The following SFI1 variants were observed in gnomAD, a reference collection of about 807,000 sequenced individuals.
SFI1 encodes the protein SFI1 centrin binding protein.
Under a neutral mutation model 207.5 loss-of-function variants are expected in SFI1, and 195 were observed. That is an observed-to-expected ratio of 0.94 (90% CI 0.84 to 1.06). SFI1 has a LOEUF of 1.06. SFI1 is among the 50% of genes least tolerant of loss of function. SFI1 has a pLI of 0.00. For missense variants in SFI1, 1,634 were observed against 1,588.0 expected (o/e 1.03, Z -0.49); for synonymous variants, 630 against 598.9 (o/e 1.05, Z -0.76).
At position 31,575,272 on chromosome 22, in the gene SFI1, T is replaced by C. The variant is rs5753700; in HGVS notation, c.964T>C (p.Tyr322His). 0.95 allele frequency: 1,535,237 copies of C among 1,612,312 alleles called. 731,135 individuals carry two copies. The highest frequency in any genetic ancestry group is 0.99 in the East Asian group (44,260 of 44,782). Residue 322 changes from tyrosine to histidine, a missense_variant, in exon 10 of 33, where the codon TAC becomes CAC. Tyr to His is a moderately conservative substitution (Grantham distance 83). Coordinates refer to ENST00000400288, the MANE Select transcript of SFI1 (RefSeq NM_001007467.3). ...RFHHVTVLQI[Y>H]FCDWQQAWER... Reference sequence around the variant, plus strand: ...CCATCATGTCACTGTGCTCCAGATATACTTCTGTGACTGGCAGCAGGCCTG... The same window carrying C: ...CCATCATGTCACTGTGCTCCAGATACACTTCTGTGACTGGCAGCAGGCCTG...
At chr22:31,555,767 C>A (rs1015744155) in intron 6 of SFI1, among the ~76,000 whole-genome samples, 11 of 152,152 alleles carry the variant, frequency 7.2e-5, no homozygotes, top group African/African-American at 2.4e-4. Context: ...AAACTCTAAA[C>A]CACAGCACTA....
At chr22:31,532,412 G>C (rs1476976866) in intron 4 of SFI1, among the ~76,000 whole-genome samples, 1 of 152,178 alleles carries the variant, frequency 6.6e-6, no homozygotes, top group African/African-American at 2.4e-5. Flanking sequence ...CATACAGAAG[G>C]CAGGGGAGCT....
intron 3 of SFI1, chr22:31,530,678 A>G (rs1026561661): frequency 5.2e-5 from 24 of 465,756 alleles, no homozygotes; most frequent in African/African-American, 2.8e-4. Context: ...GGGTTTGAAC[A>G]GAGTGCTGAG....
chr22:31,610,450 G>A (rs568755350), intron 22 of SFI1, among the ~76,000 whole-genome samples: 2 of 152,308 alleles, frequency 1.3e-5, no homozygotes, highest in Admixed American at 6.5e-5. Context: ...GTGATCTGCC[G>A]CCTTCCCTGC....
intron 7 of SFI1, among the ~76,000 whole-genome samples, chr22:31,558,381 T>A (rs1233063461): frequency 1.3e-5 from 2 of 152,090 alleles, no homozygotes; most frequent in African/African-American, 2.4e-5. Flanking sequence ...AAAATTTTTT[T>A]AAATAATTAA....
At chr22:31,556,679 A>G (rs1226692897) in intron 6 of SFI1, among the ~76,000 whole-genome samples, 1 of 152,202 alleles carries the variant, frequency 6.6e-6, no homozygotes, top group Non-Finnish European at 1.5e-5. Flanking sequence ...TATAGAAATA[A>G]GCGCTTTTAA....
At chr22:31,530,668 G>C (rs2058430171) in intron 3 of SFI1, 1 of 470,202 alleles carries the variant, frequency 2.1e-6, no homozygotes, top group African/African-American at 2.0e-5. Context: ...ATTACAGGAG[G>C]GGTTTGAACA....
intron 11 of SFI1, among the ~76,000 whole-genome samples, chr22:31,578,945 A>T (rs1048511475): frequency 6.6e-6 from 1 of 152,148 alleles, no homozygotes; most frequent in African/African-American, 2.4e-5. Flanking sequence ...AGCCTAAGGC[A>T]TGGGGAAGTA....
At chr22:31,559,119 G>T (rs564109999) in intron 7 of SFI1, among the ~76,000 whole-genome samples, 1 of 151,678 alleles carries the variant, frequency 6.6e-6, no homozygotes, top group East Asian at 2.0e-4. Flanking sequence ...TTTATTGAGG[G>T]TTTAAAATGT....
intron 2 of SFI1, among the ~76,000 whole-genome samples, chr22:31,515,291 TA>T: frequency 6.6e-6 from 1 of 152,014 alleles, no homozygotes; most frequent in East Asian, 1.9e-4. Flanking sequence ...ACCAACACTA[TA>T]CTAATCTGGT....
intron 7 of SFI1, chr22:31,559,851 A>T: frequency 1.5e-6 from 1 of 686,314 alleles, no homozygotes; most frequent in Non-Finnish European, 2.7e-6. Context: ...AGAGGACCGC[A>T]CCACTTCTGG....
chr22:31,499,962 G>A (rs1358897895), intron 1 of SFI1, among the ~76,000 whole-genome samples: 2 of 146,010 alleles, frequency 1.4e-5, no homozygotes, highest in African/African-American at 5.2e-5. Flanking sequence ...TCCAGCCTGG[G>A]CGACAGAGTG....
intron 1 of SFI1, among the ~76,000 whole-genome samples, chr22:31,497,664 AAT>A (rs2052934279): frequency 7.4e-5 from 1 of 13,598 alleles, no homozygotes; most frequent in South Asian, 1.4e-3. Context: ...AAAAGCTAGA[AAT>A]GACGAAGCTA....
chr22:31,613,500 G>A lies in SFI1; in HGVS notation c.2712G>A (p.Arg904=), dbSNP rs774890282. The A allele has an allele frequency of 1.3e-6, 2 of 1,592,372 alleles. No individual in the cohort carries two copies. The highest frequency in any genetic ancestry group is 1.7e-6 in the Non-Finnish European group (2 of 1,174,588). ...TTGCAGCCAGCATGAAGGCCTCCCG[G>A]CAGCAGCTGCAGGCCCAGCAGCAGG... is the stretch of plus-strand genomic sequence containing the variant. ...LRFAASMKAS[R]QQLQAQQQVQ... is the part of the protein sequence containing the mutation. Residue 904 remains arginine (R), a synonymous_variant, in exon 26 of 33, where the codon CGG becomes CGA. Coordinates refer to ENST00000400288, the MANE Select transcript of SFI1 (RefSeq NM_001007467.3).
chr22:31,564,814 ATTT>A (rs776647555), intron 8 of SFI1, among the ~76,000 whole-genome samples: 1 of 111,942 alleles, frequency 8.9e-6, no homozygotes. Flanking sequence ...CTGGCCCAGA[ATTT>A]TTTTTTTTTT....
chr22:31,586,251 C>T (rs1287560889), intron 14 of SFI1, among the ~76,000 whole-genome samples: 3 of 152,082 alleles, frequency 2.0e-5, no homozygotes, highest in Non-Finnish European at 2.9e-5. Context: ...CCAGGCCAGT[C>T]CACCTCCACC....
chr22:31,591,621 G>A (rs1439310489), intron 15 of SFI1, among the ~76,000 whole-genome samples: 2 of 120,554 alleles, frequency 1.7e-5, no homozygotes, highest in Admixed American at 7.7e-5. Context: ...CCTCCCTCCC[G>A]GACGGGGCGG....
chr22:31,572,345 CT>C (rs1359702690), intron 8 of SFI1, among the ~76,000 whole-genome samples: 1 of 152,046 alleles, frequency 6.6e-6, no homozygotes, highest in Admixed American at 6.6e-5. Context: ...CTTGTAGACC[CT>C]TAGCTTCTAT....
intron 27 of SFI1, chr22:31,614,321 C>T (rs148673379): frequency 0.012 from 4,361 of 362,476 alleles, 27 homozygotes; most frequent in Middle Eastern, 0.019. Flanking sequence ...ATGGTCTCCT[C>T]AAACCCTAAC....
Sources: gnomAD v4.1 joint callset for allele counts (sites outside exome capture counted in the v4.1 genomes callset) on GRCh38, gnomAD v4.1.1 for gene constraint, MANE v1.5 for transcripts, NCBI Gene and HGNC (gene_info 2026-07-23, HGNC 2026-07-21) for gene names.